The following INKA2 variants were observed in gnomAD, a reference collection of about 807,000 sequenced individuals.
INKA2 encodes inka box actin regulator 2.
In INKA2, 3 loss-of-function variants were observed where a neutral mutation model predicts 9.8. That is an observed-to-expected ratio of 0.31 (90% confidence interval 0.14 to 0.79). INKA2 has a LOEUF of 0.79. Among genes scored for constraint, INKA2 ranks in the 30% least tolerant of loss-of-function variants. The pLI, the probability that INKA2 is intolerant of heterozygous loss-of-function variation, is 0.62. For synonymous variants in INKA2, 147 were observed against 143.3 expected, an observed-to-expected ratio of 1.03 and a Z score of -0.18; for missense variants, 392 against 384.4, an observed-to-expected ratio of 1.02 and a Z score of -0.17.
At chr1:111,743,357 C>A (rs907245536), upstream of INKA2, among the ~76,000 whole-genome samples, 3 of 152,150 alleles carry the variant, frequency 2.0e-5, no homozygotes, top group Non-Finnish European at 2.9e-5. Flanking sequence ...CTCCAGTGGT[C>A]GGTACTTTAC....
At chr1:111,732,093 G>T (rs1446019214) in intron 1 of INKA2, among the ~76,000 whole-genome samples, 3 of 152,230 alleles carry the variant, frequency 2.0e-5, no homozygotes, top group Non-Finnish European at 4.4e-5. Context: ...GGGAGGGCCA[G>T]GACAGTGGTG....
intron 1 of INKA2, among the ~76,000 whole-genome samples, chr1:111,728,559 T>G (rs756205352): frequency 2.0e-5 from 3 of 152,100 alleles, no homozygotes; most frequent in Admixed American, 6.5e-5. Flanking sequence ...TGCTCCAAAA[T>G]CCAAAGCTTT....
chr1:111,742,461 T>C (rs1663170881), upstream of INKA2, among the ~76,000 whole-genome samples: 2 of 152,178 alleles, frequency 1.3e-5, no homozygotes, highest in African/African-American at 2.4e-5. Context: ...GGCGGGCATC[T>C]GTAATCCCAG....
chr1:111,742,492 G>A (rs560616769), upstream of INKA2, among the ~76,000 whole-genome samples: 4 of 152,230 alleles, frequency 2.6e-5, no homozygotes, highest in Non-Finnish European at 4.4e-5. Context: ...GGCTGAGGCA[G>A]TAGAATCGCC....
At chr1:111,733,490 T>C (rs85278) in intron 1 of INKA2, among the ~76,000 whole-genome samples, 21,690 of 152,146 alleles carry the variant, frequency 0.14, 1,757 homozygotes, top group African/African-American at 0.22. Flanking sequence ...CAGCAGGAAG[T>C]GCAAAGGGCA....
chr1:111,742,508 CG>C (rs1390729435), upstream of INKA2, among the ~76,000 whole-genome samples: 2 of 152,168 alleles, frequency 1.3e-5, no homozygotes, highest in African/African-American at 4.8e-5. Flanking sequence ...TCGCCTGAAC[CG>C]GGAGGCGGAG....
intron 1 of INKA2, among the ~76,000 whole-genome samples, chr1:111,750,345 G>C (rs1663378284): frequency 6.6e-6 from 1 of 152,204 alleles, no homozygotes; most frequent in Non-Finnish European, 1.5e-5. Context: ...GTAAAAATGG[G>C]TATTTTCCAC....
Position 111,726,296 on chromosome 1 carries a change from G to C in INKA2, c.*672C>G, listed in dbSNP as rs959748304. ...TCCTTCCCCTGTGCATGGGGGAGAC[G>C]CGGGGAGTGTCTAGGGCTTCCCTGG... On this transcript the variant is annotated 3_prime_UTR_variant, in exon 2 of 2. Transcript: ENST00000357260. 1 of 378,600 alleles carries C rather than the reference G, an allele frequency of 2.6e-6. No homozygotes were observed. The highest frequency in any genetic ancestry group is 2.1e-5 in the African/African-American group (1 of 48,130). 23.5% of individuals were successfully genotyped at this position (378,600 alleles called of 1,614,324 possible).
chr1:111,743,637 A>C (rs1663197955), upstream of INKA2, among the ~76,000 whole-genome samples: 1 of 152,218 alleles, frequency 6.6e-6, no homozygotes, highest in Non-Finnish European at 1.5e-5. Flanking sequence ...ACCAGGTCCT[A>C]GCCAGCTCTG....
chr1:111,739,175 T>G lies in INKA2; in HGVS notation c.57+11A>C, dbSNP rs1316125006. ...CAGCCCTCCCTGCCCCGGCGCCAGC[T>G]TCGCTCTTACCAGCTCCTGTTTGAG... On this transcript the variant is annotated intron_variant, in intron 1 of 1. Transcript: ENST00000357260. 6.2e-7 allele frequency: 1 copy of G among 1,613,036 alleles called. No individual in the cohort carries two copies. Among genetic ancestry groups the G allele is most frequent in the Middle Eastern group, 1.7e-4 (1 of 5,960 alleles).
rs1483299518 is a variant in INKA2 at position 111,727,319 on chromosome 1, C to A, written c.543G>T (p.Lys181Asn). The part of the protein sequence containing the change: ...DLPELEKGGE[K>N]GETGGAREPK... ...GTTCACGTGCCCCCCCAGTCTCACC[C>A]TTCTCCCCACCCTTCTCCAGTTCTG... Residue 181 changes from lysine (K) to asparagine (N), a missense_variant, in exon 2 of 2, where the codon AAG (lysine) becomes AAT (asparagine). By Grantham distance (94) the Lys-to-Asn change is moderately conservative. Coordinates refer to ENST00000357260, the MANE Select transcript of INKA2 (RefSeq NM_019099.5). The A allele has an allele frequency of 1.9e-6, 3 of 1,614,200 alleles. No homozygotes were observed. In the Admixed American group the frequency reaches 5.0e-5, roughly 27 times the overall value.
chr1:111,737,654 T>A (rs937788624), intron 1 of INKA2, among the ~76,000 whole-genome samples: 2 of 152,180 alleles, frequency 1.3e-5, no homozygotes, highest in Admixed American at 6.5e-5. Flanking sequence ...ATGAGAAGCA[T>A]GTGCAAACGA....
chr1:111,736,271 G>A (rs1663006153), intron 1 of INKA2, among the ~76,000 whole-genome samples: 1 of 152,194 alleles, frequency 6.6e-6, no homozygotes, highest in African/African-American at 2.4e-5. Context: ...CCAGGCAGAA[G>A]GAAAGGGTCA....
At chr1:111,747,270 T>G (rs1324286065) in intron 1 of INKA2, 1 of 152,224 alleles carries the variant, frequency 6.6e-6, no homozygotes, top group Admixed American at 6.5e-5. Flanking sequence ...CAGGATGAGC[T>G]TAGGAGGCTG....
At chr1:111,745,265 T>TTATATATATATATATATATA (rs71078098) in intron 1 of INKA2, 6 of 45,118 alleles carry the variant, frequency 1.3e-4, no homozygotes, top group Non-Finnish European at 1.6e-4. Context: ...CACAGAGATA[T>TTATATATATATATATATATA]TATATATATA....
chr1:111,752,050 CATG>C (rs1468356194), intron 1 of INKA2, among the ~76,000 whole-genome samples: 4 of 151,990 alleles, frequency 2.6e-5, no homozygotes, highest in Non-Finnish European at 4.4e-5. Context: ...GGACTGCTGG[CATG>C]ATGACCATTA....
chr1:111,741,075 G>A (rs186452819), upstream of INKA2, among the ~76,000 whole-genome samples: 3 of 141,484 alleles, frequency 2.1e-5, no homozygotes, highest in Non-Finnish European at 3.1e-5. Context: ...GACATGGCGC[G>A]GGGAGGGAGG....
Position 111,723,261 on chromosome 1 carries a change from A to G in INKA2, c.*3707T>C. On this transcript the variant is annotated 3_prime_UTR_variant, in exon 2 of 2. Transcript: ENST00000357260. ...TCTCCCCAACAAGGCCCTAGGGAGGAGATGGGGATGTGGAGAGGACAGAGC... is the reference window on the plus strand; with the variant it reads ...TCTCCCCAACAAGGCCCTAGGGAGGGGATGGGGATGTGGAGAGGACAGAGC... 3.4e-6 allele frequency: 2 copies of G among 580,330 alleles called. No homozygotes were observed. Among genetic ancestry groups the G allele is most frequent in the Non-Finnish European group, 6.1e-6 (2 of 327,386 alleles). The allele number at this position is 580,330 out of a possible 1,614,324, so 35.9% of individuals were successfully genotyped here.
intron 1 of INKA2, among the ~76,000 whole-genome samples, chr1:111,737,632 T>C (rs1261339361): frequency 1.3e-5 from 2 of 152,274 alleles, no homozygotes; most frequent in East Asian, 3.9e-4. Context: ...GGGCCAGCCA[T>C]CCCAATCTGG....
Sources: gnomAD v4.1 joint callset for allele counts (sites outside exome capture counted in the v4.1 genomes callset) on GRCh38, gnomAD v4.1.1 for gene constraint, MANE v1.5 for transcripts, NCBI Gene and HGNC (gene_info 2026-07-23, HGNC 2026-07-21) for gene names.